STS: variants seen among roughly 807,000 people sequenced by gnomAD.
The protein encoded by STS is steryl-sulfatase.
STS carries 7 observed loss-of-function variants against 26.8 expected under a neutral mutation model. That is an observed-to-expected ratio of 0.26 (90% CI 0.15 to 0.49). The LOEUF is 0.49. STS is among the 20% of genes least tolerant of loss of function. The pLI, the probability that STS is intolerant of heterozygous loss-of-function variation, is 0.98. For synonymous variants in STS, 199 were observed against 189.4 expected, an observed-to-expected ratio of 1.05 and a Z score of -0.42; for missense variants, 434 against 465.6, an observed-to-expected ratio of 0.93 and a Z score of 0.63.
At chrX:7,264,522 C>T (rs1396856684) in intron 6 of STS, among the ~76,000 whole-genome samples, 1 of 111,535 alleles carries the variant, frequency 9.0e-6, no homozygotes, top group Non-Finnish European at 1.9e-5. Flanking sequence ...AATGTAGGAT[C>T]ACTATGACTT....
intron 7 of STS, among the ~76,000 whole-genome samples, chrX:7,286,962 A>G (rs542419153): frequency 8.9e-6 from 1 of 112,167 alleles, no homozygotes; most frequent in African/African-American, 3.2e-5. Context: ...CACATATGTC[A>G]ACATTTTCTA....
chrX:7,286,288 TA>T (rs1164165473), intron 7 of STS, among the ~76,000 whole-genome samples: 7 of 109,437 alleles, frequency 6.4e-5, no homozygotes, highest in African/African-American at 2.3e-4. Flanking sequence ...AAACTGCAGT[TA>T]AAAAAAAAGG....
intron 7 of STS, among the ~76,000 whole-genome samples, chrX:7,283,277 A>G (rs1042103489): frequency 8.9e-6 from 1 of 111,984 alleles, no homozygotes; most frequent in African/African-American, 3.2e-5. Context: ...AAGAACCTCT[A>G]AAAGAAAACC....
chrX:7,161,758 A>G (rs1322488508), intron 1 of STS, among the ~76,000 whole-genome samples: 2 of 112,221 alleles, frequency 1.8e-5, no homozygotes, highest in East Asian at 5.6e-4. Context: ...AATATCACTA[A>G]AAGTGTTAAA....
Position 7,245,727 on chromosome X carries a change from G to T in STS, c.-4-7469G>T, listed in dbSNP as rs192384890. On this transcript the variant is annotated intron_variant, in intron 2 of 10. Transcript: ENST00000674429. ...TGCTTGTATCATCAGTGCTGAGAAA[G>T]AAATGCACAGTGATAAGAAAAGGGG... 2.1e-4 allele frequency among the ~76,000 whole-genome samples: 24 copies of T among 112,228 alleles called. No individual in the cohort carries two copies. The East Asian group carries it at 6.8e-3, about 32-fold the overall frequency.
intron 8 of STS, among the ~76,000 whole-genome samples, chrX:7,319,429 G>A (rs1926858312): frequency 9.1e-6 from 1 of 110,257 alleles, no homozygotes; most frequent in Admixed American, 9.7e-5. Context: ...TCAAAGTGCT[G>A]GAATTACAGA....
At chrX:7,298,249 T>C (rs1379148226) in intron 7 of STS, among the ~76,000 whole-genome samples, 2 of 111,957 alleles carry the variant, frequency 1.8e-5, no homozygotes, top group African/African-American at 6.5e-5. Context: ...ATCAACTTTA[T>C]GCCTTTTTAT....
intron 1 of STS, among the ~76,000 whole-genome samples, chrX:7,186,577 T>G (rs1240105282): frequency 1.8e-5 from 2 of 111,588 alleles, no homozygotes; most frequent in East Asian, 5.7e-4. Context: ...CAGTCTGTAT[T>G]GATTGGGCGA....
At chrX:7,322,092 C>G (rs1488784086) in intron 8 of STS, among the ~76,000 whole-genome samples, 9 of 112,598 alleles carry the variant, frequency 8.0e-5, no homozygotes, top group African/African-American at 6.5e-5. Flanking sequence ...GTGCGTGGAG[C>G]CTTACAAAAT....
At chrX:7,150,753 A>G (rs1250432725) in intron 1 of STS, among the ~76,000 whole-genome samples, 1 of 111,478 alleles carries the variant, frequency 9.0e-6, no homozygotes, top group Non-Finnish European at 1.9e-5. Context: ...AAAAAAAAAA[A>G]CAAACTGAAT....
At chrX:7,234,068 A>G (rs1211435520) in intron 2 of STS, among the ~76,000 whole-genome samples, 1 of 111,694 alleles carries the variant, frequency 9.0e-6, no homozygotes, top group African/African-American at 3.3e-5. Flanking sequence ...CTCCTTTTAC[A>G]TCTGCTGCCC....
intron 1 of STS, among the ~76,000 whole-genome samples, chrX:7,190,045 A>G (rs1377943871): frequency 9.0e-6 from 1 of 110,857 alleles, no homozygotes; most frequent in Non-Finnish European, 1.9e-5. Flanking sequence ...TTGCATGGAC[A>G]GGGAGGGGGA....
At chrX:7,221,833 A>G (rs1283255924) in intron 2 of STS, among the ~76,000 whole-genome samples, 1 of 111,954 alleles carries the variant, frequency 8.9e-6, no homozygotes, top group Non-Finnish European at 1.9e-5. Flanking sequence ...TACACAGCAT[A>G]CTCTCTGGCT....
Position 7,320,131 on chromosome X carries a change from A to T in STS, c.1082-5208A>T, listed in dbSNP as rs942207483. Among the ~76,000 whole-genome samples the T allele has an allele frequency of 8.5e-4, 82 of 96,380 alleles. 1 individual carries two copies. Among genetic ancestry groups the T allele is most frequent in the African/African-American group, 3.0e-3 (79 of 26,567 alleles). The allele number at this position is 96,380 out of a possible 115,157, so 83.7% of individuals were successfully genotyped here. A position where few individuals can be genotyped will look rare whatever the true frequency, so the allele number is the denominator to read the frequency against. ...TTTATATAAGTATTATTTTATATAT[A>T]TTTTTATTATATATTTATATATTTT... On this transcript the variant is annotated intron_variant, in intron 8 of 10. Transcript: ENST00000674429.
chrX:7,259,273 G>A, intron 5 of STS, 76 bp from the exon 6 acceptor site: 2 of 1,002,710 alleles, frequency 2.0e-6, no homozygotes, highest in East Asian at 3.0e-5. Flanking sequence ...CTCCTTTTCA[G>A]CATGTAGGAA....
intron 8 of STS, among the ~76,000 whole-genome samples, chrX:7,324,031 G>A (rs576418772): frequency 4.5e-5 from 5 of 111,723 alleles, no homozygotes; most frequent in African/African-American, 1.6e-4. Flanking sequence ...ACACAGCCCC[G>A]GGAGATCCTA....
intron 2 of STS, among the ~76,000 whole-genome samples, chrX:7,225,892 G>A (rs951108009): frequency 1.8e-5 from 2 of 111,891 alleles, no homozygotes; most frequent in Non-Finnish European, 3.8e-5. Flanking sequence ...GATGCATCCC[G>A]GAATGTAAAA....
intron 6 of STS, among the ~76,000 whole-genome samples, chrX:7,272,513 C>A (rs770842349): frequency 9.0e-6 from 1 of 111,480 alleles, no homozygotes; most frequent in Non-Finnish European, 1.9e-5. Context: ...CTAGAGCAAC[C>A]GTTACATAAA....
At chrX:7,230,719 C>T (rs1249616542) in intron 2 of STS, among the ~76,000 whole-genome samples, 1 of 110,962 alleles carries the variant, frequency 9.0e-6, no homozygotes, top group Non-Finnish European at 1.9e-5. Flanking sequence ...CATGAGATCT[C>T]ATGAGAGCTC....
Sources: allele counts gnomAD v4.1 joint callset (sites outside exome capture counted in the v4.1 genomes callset), GRCh38; gene constraint gnomAD v4.1.1; transcripts MANE v1.5; gene names NCBI Gene and HGNC (gene_info 2026-07-23, HGNC 2026-07-21).